CCSER1: variants seen among roughly 807,000 people sequenced by gnomAD.
CCSER1 encodes the protein coiled-coil serine rich protein 1, also known as serine-rich coiled-coil domain-containing protein 1.
Under a neutral mutation model 82.0 loss-of-function variants are expected in CCSER1, and 41 were observed. The observed-to-expected ratio is 0.50, with a 90% CI of 0.39 to 0.65. The LOEUF (loss-of-function observed/expected upper bound fraction) is 0.65. Among genes scored for constraint, CCSER1 ranks in the 30% least tolerant of loss-of-function variants. The probability of loss-of-function intolerance (pLI) is 0.00; values close to 1 mark genes in which losing one functional copy is unlikely to be tolerated. For missense variants in CCSER1, 1,119 were observed against 1,064.2 expected, an observed-to-expected ratio of 1.05 and a Z score of -0.72; for synonymous variants, 414 against 383.9, an observed-to-expected ratio of 1.08 and a Z score of -0.92.
intron 5 of CCSER1, among the ~76,000 whole-genome samples, chr4:90,583,353 A>G (rs560540810): frequency 6.6e-6 from 1 of 152,052 alleles, no homozygotes; most frequent in Admixed American, 6.6e-5. Context: ...TTTAGTAGAG[A>G]TGGGGTTTCA....
chr4:91,177,147 C>A (rs1230530668), intron 10 of CCSER1, among the ~76,000 whole-genome samples: 1 of 152,152 alleles, frequency 6.6e-6, no homozygotes, highest in Non-Finnish European at 1.5e-5. Flanking sequence ...GTTGAACCAG[C>A]CTTGCATCCC....
chr4:91,006,017 C>T (rs889808753), intron 9 of CCSER1, among the ~76,000 whole-genome samples: 6 of 152,138 alleles, frequency 3.9e-5, no homozygotes, highest in African/African-American at 1.2e-4. Context: ...ATACCTCTAA[C>T]ATTTTTTCTG....
In CCSER1 at chr4:90,216,383, A is replaced by G. The variant is rs562708075; in HGVS notation, c.-42+88552A>G. Among the ~76,000 whole-genome samples, 5 of 152,346 alleles carry G rather than the reference A, an allele frequency of 3.3e-5. No homozygotes were observed. The South Asian group carries it at 1.0e-3, about 32-fold the overall frequency. ...GGATTTCTCCCTACAGCTGGAGTTCATAAGCTTCCATTATTGAAGTGAGGT... is the reference window on the plus strand; with the variant it reads ...GGATTTCTCCCTACAGCTGGAGTTCGTAAGCTTCCATTATTGAAGTGAGGT... On this transcript the variant is annotated intron_variant, in intron 1 of 10. Transcript: ENST00000509176.
At chr4:90,620,626 A>T (rs574593123) in intron 5 of CCSER1, among the ~76,000 whole-genome samples, 7 of 152,166 alleles carry the variant, frequency 4.6e-5, no homozygotes, top group Non-Finnish European at 1.0e-4. Context: ...TTCTTACTGG[A>T]ATATATCCTT....
chr4:91,365,080 C>T (rs914288017), intron 10 of CCSER1, among the ~76,000 whole-genome samples: 4 of 151,964 alleles, frequency 2.6e-5, no homozygotes, highest in Non-Finnish European at 4.4e-5. Flanking sequence ...GTATAGTGTT[C>T]GAGGCAAGTT....
intron 10 of CCSER1, among the ~76,000 whole-genome samples, chr4:91,545,881 T>C (rs2110209332): frequency 6.6e-6 from 1 of 152,286 alleles, no homozygotes; most frequent in South Asian, 2.1e-4. Flanking sequence ...AAAGAAAACT[T>C]AAAGTTTATT....
intron 1 of CCSER1, among the ~76,000 whole-genome samples, chr4:90,160,453 A>C (rs1729224659): frequency 6.6e-6 from 1 of 152,202 alleles, no homozygotes; most frequent in Admixed American, 6.5e-5. Flanking sequence ...GACTATCAGG[A>C]GATTTCAGTG....
intron 10 of CCSER1, among the ~76,000 whole-genome samples, chr4:91,297,094 C>A (rs1390971675): frequency 1.3e-5 from 2 of 151,640 alleles, no homozygotes; most frequent in East Asian, 3.9e-4. Flanking sequence ...AAGGAATGTT[C>A]AGGGTTAAAT....
chr4:90,304,547 A>T, intron 1 of CCSER1, among the ~76,000 whole-genome samples: 1 of 152,160 alleles, frequency 6.6e-6, no homozygotes, highest in Non-Finnish European at 1.5e-5. Flanking sequence ...CTATCACAAG[A>T]ACAAAAAACC....
chr4:91,586,341 T>G lies in CCSER1; in HGVS notation c.2218-12231T>G, dbSNP rs539166756. Among the ~76,000 whole-genome samples, 3 of 151,760 alleles carry G rather than the reference T, an allele frequency of 2.0e-5. No homozygotes were observed. The South Asian group carries it at 6.2e-4, about 31-fold the overall frequency. On this transcript the variant is annotated intron_variant, in intron 10 of 10. Transcript: ENST00000509176. ...AAGAGTTGTTCACATGAAGTTGGTA[T>G]GTTTAAAGTTATGTGAATGGATGAG... is the stretch of plus-strand genomic sequence containing the variant.
At chr4:90,930,594 C>CA (rs1561380066) in intron 9 of CCSER1, among the ~76,000 whole-genome samples, 1 of 149,950 alleles carries the variant, frequency 6.7e-6, no homozygotes, top group Non-Finnish European at 1.5e-5. Context: ...GCCTGGGAGA[C>CA]AGAGAGAGAC....
chr4:90,323,623 T>C (rs192512984), intron 3 of CCSER1, among the ~76,000 whole-genome samples: 5 of 152,124 alleles, frequency 3.3e-5, no homozygotes, highest in African/African-American at 4.8e-5. Flanking sequence ...GATGGAGTAA[T>C]GGTGGTTTGG....
intron 5 of CCSER1, among the ~76,000 whole-genome samples, chr4:90,570,819 C>T (rs1026203634): frequency 6.6e-6 from 1 of 152,038 alleles, no homozygotes; most frequent in African/African-American, 2.4e-5. Context: ...TAAATGCCAT[C>T]TACTGGACTG....
intron 8 of CCSER1, among the ~76,000 whole-genome samples, chr4:90,901,048 C>CTT (rs140291816): frequency 6.6e-6 from 1 of 151,826 alleles, no homozygotes; most frequent in African/African-American, 2.4e-5. Context: ...TCTAATTTGA[C>CTT]TTTTTTTAAA....
At chr4:90,357,137 T>A (rs192565161) in intron 3 of CCSER1, among the ~76,000 whole-genome samples, 15 of 152,054 alleles carry the variant, frequency 9.9e-5, no homozygotes, top group African/African-American at 3.4e-4. Context: ...TATTTAATTA[T>A]AGAATTTCAG....
intron 4 of CCSER1, among the ~76,000 whole-genome samples, chr4:90,450,448 C>T (rs917951440): frequency 1.3e-5 from 2 of 152,100 alleles, no homozygotes; most frequent in Admixed American, 1.3e-4. Flanking sequence ...ATAAAGGGGC[C>T]TTGACAAAGA....
intron 10 of CCSER1, among the ~76,000 whole-genome samples, chr4:91,325,986 GTT>G (rs10718334): frequency 7.0e-4 from 105 of 149,502 alleles, no homozygotes; most frequent in African/African-American, 2.1e-3. Context: ...GAGTAGCTTT[GTT>G]TTTTTTTTTA....
chr4:90,613,162 A>G (rs1720571192), intron 5 of CCSER1, among the ~76,000 whole-genome samples: 1 of 152,084 alleles, frequency 6.6e-6, no homozygotes, highest in South Asian at 2.1e-4. Flanking sequence ...CCAGAAACCT[A>G]CTTTTGCTCA....
intron 3 of CCSER1, among the ~76,000 whole-genome samples, chr4:90,367,227 G>A (rs1286092572): frequency 7.3e-6 from 1 of 136,624 alleles, no homozygotes; most frequent in Admixed American, 7.1e-5. Flanking sequence ...ATTCTGTTCT[G>A]GAAAAAAACA....
Sources: gnomAD v4.1 joint callset for allele counts (sites outside exome capture counted in the v4.1 genomes callset) on GRCh38, gnomAD v4.1.1 for gene constraint, MANE v1.5 for transcripts, NCBI Gene and HGNC (gene_info 2026-07-23, HGNC 2026-07-21) for gene names.